The following NLGN4X variants were observed in gnomAD, a reference collection of about 807,000 sequenced individuals.
NLGN4X encodes the protein neuroligin-4, X-linked.
NLGN4X carries 3 observed loss-of-function variants against 40.3 expected under a neutral mutation model. The ratio of observed to expected loss-of-function variants is 0.07; its 90% CI spans 0.03 to 0.19. NLGN4X has a LOEUF of 0.19. Among genes scored for constraint, NLGN4X ranks in the 10% least tolerant of loss-of-function variants. NLGN4X has a pLI of 1.00. For synonymous variants in NLGN4X, 270 were observed against 306.8 expected (o/e 0.88, Z 1.25); for missense variants, 382 against 708.3 (o/e 0.54, Z 5.23).
At chrX:5,955,373 C>T (rs1009122713) in intron 3 of NLGN4X, among the ~76,000 whole-genome samples, 5 of 111,913 alleles carry the variant, frequency 4.5e-5, no homozygotes, top group African/African-American at 1.3e-4. Context: ...TGAAAGCTTT[C>T]GTTTTATTTA....
At chrX:5,962,451 A>C (rs1482477850) in intron 3 of NLGN4X, among the ~76,000 whole-genome samples, 2 of 112,378 alleles carry the variant, frequency 1.8e-5, no homozygotes, top group Non-Finnish European at 3.8e-5. Flanking sequence ...TTTGCAAAAA[A>C]GTCATGGAAG....
intron 3 of NLGN4X, among the ~76,000 whole-genome samples, chrX:5,990,085 TC>T (rs2092520125): frequency 9.6e-6 from 1 of 104,583 alleles, no homozygotes; most frequent in Non-Finnish European, 2.0e-5. Context: ...TTCCTCTCTC[TC>T]TCTCTCTCTC....
At chrX:6,191,590 G>A (rs1456832786) in intron 1 of NLGN4X, among the ~76,000 whole-genome samples, 1 of 111,641 alleles carries the variant, frequency 9.0e-6, no homozygotes, top group Non-Finnish European at 1.9e-5. Context: ...AGGAAGTTGT[G>A]GCTCACACCT....
In NLGN4X at chrX:5,972,425, C is replaced by T. The variant is rs189441231; in HGVS notation, c.625+56855G>A. Among the ~76,000 whole-genome samples the T allele has an allele frequency of 1.2e-3, 129 of 111,333 alleles. 1 individual carries two copies. The highest frequency in any genetic ancestry group is 4.0e-3 in the African/African-American group (124 of 30,675). ...AACTATCCCTGTTATTTTGCAGTGA[C>T]TCATGGAAACTTGTATTTTGTGGCT... On this transcript the variant is annotated intron_variant, in intron 3 of 5. Transcript: ENST00000381095.
At chrX:5,936,810 T>C (rs763489516) in intron 3 of NLGN4X, among the ~76,000 whole-genome samples, 1 of 112,205 alleles carries the variant, frequency 8.9e-6, no homozygotes, top group South Asian at 3.7e-4. Flanking sequence ...AGAGAATTAT[T>C]TGTTAAATCA....
chrX:6,032,694 C>T, intron 2 of NLGN4X: 4 of 1,184,450 alleles, frequency 3.4e-6, no homozygotes, highest in East Asian at 6.0e-5. Flanking sequence ...AAAATACCTT[C>T]GTCTTCACCA....
intron 3 of NLGN4X, among the ~76,000 whole-genome samples, chrX:5,943,715 A>G (rs191888186): frequency 1.0e-3 from 115 of 112,671 alleles, no homozygotes; most frequent in African/African-American, 3.6e-3. Context: ...ATTTCTTCCT[A>G]TGTCACTGTG....
intron 1 of NLGN4X, among the ~76,000 whole-genome samples, chrX:6,160,623 C>T (rs1242832907): frequency 9.5e-6 from 1 of 105,434 alleles, no homozygotes; most frequent in Admixed American, 1.0e-4. Flanking sequence ...TTCTGCCTCC[C>T]GGATTATCTT....
At chrX:5,979,970 T>C (rs2035333621) in intron 3 of NLGN4X, among the ~76,000 whole-genome samples, 1 of 107,155 alleles carries the variant, frequency 9.3e-6, no homozygotes, top group East Asian at 2.9e-4. Flanking sequence ...GTATTTTAAA[T>C]ATTTATTTTA....
chrX:6,148,544 T>C (rs1190318078), intron 2 of NLGN4X, among the ~76,000 whole-genome samples: 4 of 110,221 alleles, frequency 3.6e-5, no homozygotes, highest in African/African-American at 1.3e-4. Flanking sequence ...TGAGACGGAG[T>C]CTTGCTATGT....
chrX:6,157,169 C>G (rs753165098), intron 1 of NLGN4X, among the ~76,000 whole-genome samples: 5 of 110,714 alleles, frequency 4.5e-5, no homozygotes, highest in Non-Finnish European at 9.4e-5. Context: ...TGATCTTGCA[C>G]CATATGGCAG....
At chrX:5,928,960 T>C (rs769848151) in intron 3 of NLGN4X, among the ~76,000 whole-genome samples, 1 of 109,983 alleles carries the variant, frequency 9.1e-6, no homozygotes, top group East Asian at 2.9e-4. Flanking sequence ...GCTGGGACTA[T>C]AGACATGCAC....
At chrX:5,972,040 T>G (rs1304124628) in intron 3 of NLGN4X, among the ~76,000 whole-genome samples, 1 of 111,581 alleles carries the variant, frequency 9.0e-6, no homozygotes, top group Non-Finnish European at 1.9e-5. Context: ...TGTAGTGCAT[T>G]TTCTCAATAA....
Position 6,132,885 on chromosome X carries a change from C to T in NLGN4X, c.472+18110G>A, listed in dbSNP as rs755320914. Among the ~76,000 whole-genome samples, 8 of 110,941 alleles carry T rather than the reference C, an allele frequency of 7.2e-5. No homozygotes were observed. The South Asian group carries it at 3.1e-3, about 43-fold the overall frequency. ...GTGATGAGGGGATGGTGTGAGTTCTCCTAAGATGGTAAAAATGGAGACAGG... is the reference window on the plus strand; with the variant it reads ...GTGATGAGGGGATGGTGTGAGTTCTTCTAAGATGGTAAAAATGGAGACAGG... On this transcript the variant is annotated intron_variant, in intron 2 of 5. Transcript: ENST00000381095.
intron 2 of NLGN4X, among the ~76,000 whole-genome samples, chrX:6,066,626 A>C (rs1229339232): frequency 9.0e-6 from 1 of 110,928 alleles, no homozygotes; most frequent in Non-Finnish European, 1.9e-5. Flanking sequence ...TCTACTAAAA[A>C]TACAAAAAAT....
At chrX:6,226,322 G>C (rs1405015177) in intron 1 of NLGN4X, among the ~76,000 whole-genome samples, 1 of 103,550 alleles carries the variant, frequency 9.7e-6, no homozygotes, top group East Asian at 2.9e-4. Flanking sequence ...CCCGCAGTCC[G>C]GAAAAAAAAA....
intron 2 of NLGN4X, among the ~76,000 whole-genome samples, chrX:6,114,678 AT>A (rs1243618515): frequency 1.8e-5 from 2 of 111,234 alleles, no homozygotes; most frequent in East Asian, 2.8e-4. Context: ...ACATATGAGG[AT>A]TTTTTTCTTA....
intron 3 of NLGN4X, among the ~76,000 whole-genome samples, chrX:5,932,517 G>T (rs1320102128): frequency 9.0e-6 from 1 of 111,581 alleles, no homozygotes; most frequent in East Asian, 2.8e-4. Context: ...AATTACAATA[G>T]ACAAAATAAA....
chrX:6,084,687 A>G (rs780693494), intron 2 of NLGN4X, among the ~76,000 whole-genome samples: 16 of 110,690 alleles, frequency 1.4e-4, no homozygotes, highest in Non-Finnish European at 2.1e-4. Context: ...GAGAGGGGAC[A>G]ATGGCAGGTG....
Sources: allele counts gnomAD v4.1 joint callset (sites outside exome capture counted in the v4.1 genomes callset), GRCh38; gene constraint gnomAD v4.1.1; transcripts MANE v1.5; gene names NCBI Gene and HGNC (gene_info 2026-07-23, HGNC 2026-07-21).